PCDH11X: variants seen among roughly 807,000 people sequenced by gnomAD.
PCDH11X encodes the protein protocadherin 11 X-linked.
A neutral mutation model predicts 53.3 loss-of-function variants in PCDH11X; 18 were observed. That is an observed-to-expected ratio of 0.34 (90% confidence interval 0.23 to 0.50). The LOEUF (loss-of-function observed/expected upper bound fraction) is 0.50. Ranked by LOEUF, PCDH11X falls within the 20% of genes least tolerant of loss-of-function variation. The pLI is 0.98. For synonymous variants in PCDH11X, 279 were observed against 393.3 expected, an observed-to-expected ratio of 0.71 and a Z score of 3.44; for missense variants, 570 against 1,032.4, an observed-to-expected ratio of 0.55 and a Z score of 6.14.
intron 5 of PCDH11X, among the ~76,000 whole-genome samples, chrX:91,856,509 A>C (rs1009161260): frequency 6.4e-5 from 7 of 109,329 alleles, no homozygotes; most frequent in Non-Finnish European, 1.1e-4. Flanking sequence ...TGTGCAGTTC[A>C]TTACATAGGT....
At chrX:92,514,014 G>T (rs974358749) in intron 10 of PCDH11X, among the ~76,000 whole-genome samples, 28 of 111,415 alleles carry the variant, frequency 2.5e-4, no homozygotes, top group Non-Finnish European at 4.9e-4. Flanking sequence ...GTGTTTTTAA[G>T]GCTAATCCAT....
At chrX:92,128,174 C>T (rs935115260) in intron 6 of PCDH11X, among the ~76,000 whole-genome samples, 4 of 111,095 alleles carry the variant, frequency 3.6e-5, no homozygotes, top group East Asian at 5.7e-4. Context: ...GCTTTACAAA[C>T]GTAAAATAGT....
intron 8 of PCDH11X, among the ~76,000 whole-genome samples, chrX:92,312,431 T>G (rs1451482157): frequency 9.1e-6 from 1 of 110,259 alleles, no homozygotes; most frequent in Admixed American, 9.7e-5. Context: ...TCTTTCAAAT[T>G]TATCAAAATG....
intron 7 of PCDH11X, among the ~76,000 whole-genome samples, chrX:92,248,691 T>C (rs1468377074): frequency 9.0e-6 from 1 of 111,266 alleles, no homozygotes; most frequent in Non-Finnish European, 1.9e-5. Flanking sequence ...TTAGTAATTT[T>C]ATTTTATTTT....
At chrX:92,097,116 G>A (rs1602901942) in intron 6 of PCDH11X, among the ~76,000 whole-genome samples, 1 of 111,002 alleles carries the variant, frequency 9.0e-6, no homozygotes, top group East Asian at 2.8e-4. Context: ...AGATTAGAAA[G>A]CAAAATTGAA....
chrX:92,260,684 C>T (rs2067697739), intron 7 of PCDH11X, among the ~76,000 whole-genome samples: 1 of 111,124 alleles, frequency 9.0e-6, no homozygotes, highest in African/African-American at 3.3e-5. Context: ...GCTCTGCCTC[C>T]ACTCTCTCAT....
At chrX:91,827,351 A>G (rs1200317948) in intron 4 of PCDH11X, among the ~76,000 whole-genome samples, 1 of 111,400 alleles carries the variant, frequency 9.0e-6, no homozygotes, top group African/African-American at 3.3e-5. Context: ...AATGCTGGAT[A>G]TTAGACCTTT....
At chrX:92,287,248 G>C (rs1357239609) in intron 8 of PCDH11X, among the ~76,000 whole-genome samples, 1 of 111,192 alleles carries the variant, frequency 9.0e-6, no homozygotes, top group Admixed American at 9.6e-5. Flanking sequence ...GTGTCCATGA[G>C]CCATGATTGT....
rs1333651511 is a variant in PCDH11X, at chrX:92,576,009, T to TAC, written c.3368-42254_3368-42253insCA. On this transcript the variant is annotated intron_variant, in intron 10 of 10. Coordinates refer to ENST00000682573, the MANE Select transcript of PCDH11X (RefSeq NM_032968.5). ...ATATATATATATATATATATATATA[T>TAC]ATACACACACACACACACACACACA... 3.9e-3 allele frequency among the ~76,000 whole-genome samples: 119 copies of TAC among 30,400 alleles called. 4 individuals carry two copies. The highest frequency in any genetic ancestry group is 0.015 in the African/African-American group (72 of 4,687). 26.4% of individuals were successfully genotyped at this position (30,400 alleles called of 115,157 possible). A position where few individuals can be genotyped will look rare whatever the true frequency, so the allele number is the denominator to read the frequency against.
At chrX:91,981,014 T>TATATACACTGAATATATATATAC (rs2062125127) in intron 6 of PCDH11X, among the ~76,000 whole-genome samples, 1 of 100,095 alleles carries the variant, frequency 1.0e-5, no homozygotes, top group African/African-American at 3.7e-5. Flanking sequence ...TATATATATA[T>TATATACACTGAATATATATATAC]ACACTGAATA....
chrX:91,963,550 G>A (rs1355355891), intron 6 of PCDH11X, among the ~76,000 whole-genome samples: 2 of 111,488 alleles, frequency 1.8e-5, no homozygotes, highest in East Asian at 5.7e-4. Flanking sequence ...TCTCTAGGAA[G>A]TTTCAAACTT....
rs1928433232 is a variant in PCDH11X at position 92,620,941 on chromosome X, G to A, written c.*2001G>A. The A allele has an allele frequency of 9.2e-6, 1 of 108,630 alleles. No homozygotes were observed. The highest frequency in any genetic ancestry group is 3.4e-5 in the African/African-American group (1 of 29,420). The allele number at this position is 108,630 out of a possible 1,213,427, so 9.0% of individuals were successfully genotyped here. On this transcript the variant is annotated 3_prime_UTR_variant, in exon 11 of 11. Coordinates refer to ENST00000682573, the MANE Select transcript of PCDH11X (RefSeq NM_032968.5). ...CAAATGTGTTGATATTGTGGCTATT[G>A]TTGATGTTGAAAATTTTAAACTTGG...
chrX:91,796,701 T>A (rs1935746611), intron 1 of PCDH11X, among the ~76,000 whole-genome samples: 1 of 111,861 alleles, frequency 8.9e-6, no homozygotes, highest in Admixed American at 9.5e-5. Flanking sequence ...TTTACCAAAA[T>A]AATTACATTT....
chrX:91,869,128 C>A (rs1939142936), intron 5 of PCDH11X, among the ~76,000 whole-genome samples: 1 of 110,130 alleles, frequency 9.1e-6, no homozygotes, highest in Admixed American at 9.7e-5. Context: ...TCTTTGGTTT[C>A]TTTTTTCAAT....
intron 7 of PCDH11X, among the ~76,000 whole-genome samples, chrX:92,240,589 A>G (rs1411929875): frequency 8.9e-6 from 1 of 112,018 alleles, no homozygotes; most frequent in African/African-American, 3.2e-5. Flanking sequence ...ATTCTGCCTG[A>G]AACAACACAC....
chrX:92,156,787 T>G (rs979191900), intron 6 of PCDH11X, among the ~76,000 whole-genome samples: 4 of 111,959 alleles, frequency 3.6e-5, no homozygotes, highest in African/African-American at 1.3e-4. Flanking sequence ...ATACTCATTA[T>G]GTGTTTGTAT....
chrX:92,348,499 C>T (rs2069956924), intron 8 of PCDH11X, among the ~76,000 whole-genome samples: 1 of 89,500 alleles, frequency 1.1e-5, no homozygotes, highest in Non-Finnish European at 2.1e-5. Flanking sequence ...AGAAATCAAA[C>T]ATCAAAATTA....
chrX:92,416,412 A>G (rs2754970), intron 9 of PCDH11X, among the ~76,000 whole-genome samples: 1 of 111,091 alleles, frequency 9.0e-6, no homozygotes, highest in Non-Finnish European at 1.9e-5. Flanking sequence ...ATGCCTGTAT[A>G]AAAACATCTC....
At chrX:91,838,935 ATAT>A (rs1937401220) in intron 5 of PCDH11X, among the ~76,000 whole-genome samples, 1 of 113,160 alleles carries the variant, frequency 8.8e-6, no homozygotes, top group South Asian at 3.5e-4. Context: ...TTACTATTTG[ATAT>A]TAATTAACTG....
Sources: allele counts gnomAD v4.1 joint callset (sites outside exome capture counted in the v4.1 genomes callset), GRCh38; gene constraint gnomAD v4.1.1; transcripts MANE v1.5; gene names NCBI Gene and HGNC (gene_info 2026-07-23, HGNC 2026-07-21).